The following TMLHE variants were observed in gnomAD, a reference collection of about 807,000 sequenced individuals.
TMLHE encodes trimethyllysine hydroxylase, epsilon.
TMLHE carries 18 observed loss-of-function variants against 25.7 expected under a neutral mutation model. The ratio of observed to expected loss-of-function variants is 0.70; its 90% CI spans 0.48 to 1.04. The LOEUF is 1.04. Among genes scored for constraint, TMLHE ranks in the 50% least tolerant of loss-of-function variants. The pLI is 0.00. For synonymous variants in TMLHE, 105 were observed against 97.0 expected, an observed-to-expected ratio of 1.08 and a Z score of -0.49; for missense variants, 236 against 259.0, an observed-to-expected ratio of 0.91 and a Z score of 0.61.
At chrX:155,579,178 C>T (rs782077390) in intron 1 of TMLHE, among the ~76,000 whole-genome samples, 2 of 72,596 alleles carry the variant, frequency 2.8e-5, no homozygotes, top group Non-Finnish European at 6.0e-5. Flanking sequence ...CCATACTGCT[C>T]AAAGTAACCT....
chrX:155,609,373 C>T (rs1050945988), intron 1 of TMLHE, among the ~76,000 whole-genome samples: 5 of 110,732 alleles, frequency 4.5e-5, no homozygotes, highest in Non-Finnish European at 7.6e-5. Context: ...ACAATAGACA[C>T]GGGGGCCTAC....
At chrX:155,596,860 C>T (rs12392390) in intron 1 of TMLHE, among the ~76,000 whole-genome samples, 146 of 110,850 alleles carry the variant, frequency 1.3e-3, no homozygotes, top group African/African-American at 4.7e-3. Context: ...GAAATAGGCT[C>T]AGTGTTTCTT....
At chrX:155,582,502 A>T (rs1557344681) in intron 1 of TMLHE, among the ~76,000 whole-genome samples, 1 of 112,222 alleles carries the variant, frequency 8.9e-6, no homozygotes, top group African/African-American at 3.2e-5. Context: ...CTCCATCAAA[A>T]ATTGGGCAAC....
At chrX:155,553,296 G>A (rs1457012276) in intron 1 of TMLHE, among the ~76,000 whole-genome samples, 1 of 109,193 alleles carries the variant, frequency 9.2e-6, no homozygotes. Context: ...TAAGATCTCT[G>A]ATTATGATTG....
At chrX:155,508,653 G>C (rs917360748) in intron 5 of TMLHE, among the ~76,000 whole-genome samples, 1 of 110,930 alleles carries the variant, frequency 9.0e-6, no homozygotes, top group Admixed American at 9.7e-5. Flanking sequence ...AGAAAACTAG[G>C]AAAGAAGGAA....
At chrX:155,592,560 A>G (rs2067699448) in intron 1 of TMLHE, among the ~76,000 whole-genome samples, 1 of 112,080 alleles carries the variant, frequency 8.9e-6, no homozygotes, top group African/African-American at 3.2e-5. Context: ...CTGGGCTTAC[A>G]GTTTCTACAG....
intron 1 of TMLHE, among the ~76,000 whole-genome samples, chrX:155,596,288 G>A (rs2067720030): frequency 8.9e-6 from 1 of 111,899 alleles, no homozygotes; most frequent in East Asian, 2.8e-4. Context: ...CTTTGTCCTT[G>A]CAGTCAGAAA....
intron 2 of TMLHE, among the ~76,000 whole-genome samples, chrX:155,526,735 C>T (rs782522619): frequency 8.8e-6 from 1 of 113,006 alleles, no homozygotes; most frequent in Non-Finnish European, 1.9e-5. Context: ...TGCCCAAGGC[C>T]GTGGGAACCC....
At chrX:155,518,726 AC>A (rs2067173952) in intron 3 of TMLHE, among the ~76,000 whole-genome samples, 1 of 81,089 alleles carries the variant, frequency 1.2e-5, no homozygotes, top group Admixed American at 1.5e-4. Context: ...CAGAGATTCA[AC>A]TTCTTCCTGG....
rs782795072 is a variant in TMLHE, at chrX:155,531,912, T to C, written c.182-7280A>G. 2.1e-3 allele frequency among the ~76,000 whole-genome samples: 231 copies of C among 111,005 alleles called. 1 individual carries two copies. Among genetic ancestry groups the C allele is most frequent in the African/African-American group, 7.3e-3 (223 of 30,554 alleles). On this transcript the variant is annotated intron_variant, in intron 2 of 7. Transcript: ENST00000334398. ...CTCTGGGGGGCAAAATAGACCCCAA[T>C]TGAGAGCCTCTGGGCTATGGTGACC... is the stretch of plus-strand genomic sequence containing the variant.
intron 1 of TMLHE, among the ~76,000 whole-genome samples, chrX:155,597,962 TTC>T (rs1327085231): frequency 9.0e-6 from 1 of 111,587 alleles, no homozygotes; most frequent in Non-Finnish European, 1.9e-5. Flanking sequence ...AACAATAAAT[TTC>T]TGTTGGAGAA....
chrX:155,572,284 T>A lies in TMLHE; in HGVS notation c.-1-27007A>T, dbSNP rs1425884582. Among the ~76,000 whole-genome samples the A allele has an allele frequency of 4.6e-4, 26 of 56,000 alleles. 7 individuals carry two copies. Among genetic ancestry groups the A allele is most frequent in the South Asian group, 2.0e-3 (2 of 983 alleles). The allele number at this position is 56,000 out of a possible 115,157, so 48.6% of individuals were successfully genotyped here. A position where few individuals can be genotyped will look rare whatever the true frequency, so the allele number is the denominator to read the frequency against. ...CTAGGAATCCAACTTACAAGGGACGTGAAGGACCTCTTCAAGGAGAACTAC... is the reference window on the plus strand; with the variant it reads ...CTAGGAATCCAACTTACAAGGGACGAGAAGGACCTCTTCAAGGAGAACTAC... On this transcript the variant is annotated intron_variant, in intron 1 of 7. Transcript: ENST00000334398.
intron 1 of TMLHE, among the ~76,000 whole-genome samples, chrX:155,580,539 T>C (rs1432519460): frequency 8.9e-6 from 1 of 112,461 alleles, no homozygotes; most frequent in Non-Finnish European, 1.9e-5. Flanking sequence ...TGTATGTTTA[T>C]TGCAGCACTA....
intron 1 of TMLHE, among the ~76,000 whole-genome samples, chrX:155,603,538 C>T (rs1557347557): frequency 9.0e-6 from 1 of 111,483 alleles, no homozygotes; most frequent in African/African-American, 3.3e-5. Context: ...TACAATGCCA[C>T]AATAGTCAAG....
At chrX:155,535,555 A>G (rs981612575) in intron 2 of TMLHE, among the ~76,000 whole-genome samples, 2 of 112,367 alleles carry the variant, frequency 1.8e-5, no homozygotes, top group Non-Finnish European at 3.8e-5. Flanking sequence ...AGGCTTCAAC[A>G]TATGAATTTG....
intron 1 of TMLHE, among the ~76,000 whole-genome samples, chrX:155,552,075 TG>T (rs1333154622): frequency 9.1e-6 from 1 of 109,810 alleles, no homozygotes; most frequent in Non-Finnish European, 1.9e-5. Context: ...TTTGCAACGC[TG>T]GCATAAACCA....
intron 1 of TMLHE, among the ~76,000 whole-genome samples, chrX:155,609,782 T>C (rs2067808580): frequency 8.9e-6 from 1 of 111,871 alleles, no homozygotes; most frequent in South Asian, 3.7e-4. Context: ...AAAAAGATGC[T>C]CAATTAGCCA....
intron 1 of TMLHE, among the ~76,000 whole-genome samples, chrX:155,597,977 C>A (rs1402618828): frequency 1.8e-5 from 2 of 110,930 alleles, no homozygotes; most frequent in African/African-American, 6.6e-5. Context: ...TTGGAGAAAA[C>A]TGTGTCCAGA....
intron 1 of TMLHE, among the ~76,000 whole-genome samples, chrX:155,603,390 G>T (rs1185752536): frequency 2.8e-5 from 3 of 108,961 alleles, no homozygotes; most frequent in African/African-American, 1.0e-4. Flanking sequence ...AAGAAAGAAA[G>T]AAAGAAAGAA....
Sources: gnomAD v4.1 joint callset for allele counts (sites outside exome capture counted in the v4.1 genomes callset) on GRCh38, gnomAD v4.1.1 for gene constraint, MANE v1.5 for transcripts, NCBI Gene and HGNC (gene_info 2026-07-23, HGNC 2026-07-21) for gene names.